CDH9: variants seen among roughly 807,000 people sequenced by gnomAD.
CDH9 encodes cadherin 9.
In CDH9, 28 loss-of-function variants were observed where a neutral mutation model predicts 70.9. That is an observed-to-expected ratio of 0.40 (90% CI 0.29 to 0.54). CDH9 has a LOEUF of 0.54. CDH9 is among the 20% of genes least tolerant of loss of function. The pLI is 0.59. For missense variants in CDH9, 874 were observed against 984.4 expected (o/e 0.89, Z 1.50); for synonymous variants, 409 against 343.1 (o/e 1.19, Z -2.12).
intron 2 of CDH9, among the ~76,000 whole-genome samples, chr5:26,926,727 G>T (rs892138798): frequency 7.9e-5 from 12 of 151,944 alleles, no homozygotes; most frequent in Non-Finnish European, 1.5e-4. Context: ...AAACAGCATG[G>T]TACTGGTACC....
chr5:26,935,531 A>G (rs1353340496), intron 2 of CDH9, among the ~76,000 whole-genome samples: 1 of 152,200 alleles, frequency 6.6e-6, no homozygotes, highest in Non-Finnish European at 1.5e-5. Flanking sequence ...AATCAGTGAA[A>G]TGCAAATTAA....
chr5:26,922,256 A>C (rs1741258586), intron 2 of CDH9, among the ~76,000 whole-genome samples: 1 of 152,018 alleles, frequency 6.6e-6, no homozygotes, highest in African/African-American at 2.4e-5. Context: ...AAGCAGATTT[A>C]ACCCAAATAA....
chr5:26,907,247 G>A (rs1740965131), intron 3 of CDH9, among the ~76,000 whole-genome samples: 1 of 151,942 alleles, frequency 6.6e-6, no homozygotes, highest in Admixed American at 6.6e-5. Flanking sequence ...ACCTGCTGCT[G>A]CTTTTTATTC....
chr5:26,892,237 G>T (rs6452368), intron 7 of CDH9, among the ~76,000 whole-genome samples: 87,558 of 152,054 alleles, frequency 0.58, 25,827 homozygotes, highest in East Asian at 0.81. Context: ...TTACATCTTT[G>T]TGAGATTTCT....
At chr5:26,991,401 C>T (rs1194898321) in intron 1 of CDH9, among the ~76,000 whole-genome samples, 1 of 152,228 alleles carries the variant, frequency 6.6e-6, no homozygotes, top group Admixed American at 6.5e-5. Context: ...TTACAGACAT[C>T]TGTAATATCC....
intron 3 of CDH9, among the ~76,000 whole-genome samples, chr5:26,912,397 G>A (rs1400049100): frequency 6.6e-6 from 1 of 151,522 alleles, no homozygotes; most frequent in African/African-American, 2.4e-5. Flanking sequence ...AAATAAGGTA[G>A]GAGAGTTACA....
At position 27,031,308 on chromosome 5, in the gene CDH9, T is replaced by C. The variant is rs1367828776; in HGVS notation, c.-50+7155A>G. Among the ~76,000 whole-genome samples the C allele has an allele frequency of 2.0e-5, 3 of 152,056 alleles. No individual in the cohort carries two copies. In the East Asian group the frequency reaches 5.8e-4, roughly 30 times the overall value. On this transcript the variant is annotated intron_variant, in intron 1 of 11. Transcript: ENST00000231021. The stretch of plus-strand genomic sequence containing the variant: ...AATACTTATTTTTCAAGATATCTTT[T>C]CAAATTCATACTTTATAGAACAAAA...
At chr5:26,891,228 C>G (rs986470290) in intron 7 of CDH9, among the ~76,000 whole-genome samples, 1 of 152,164 alleles carries the variant, frequency 6.6e-6, no homozygotes, top group Admixed American at 6.5e-5. Flanking sequence ...TATCTCCTCT[C>G]CCTAAGATGT....
intron 11 of CDH9, among the ~76,000 whole-genome samples, chr5:26,884,808 A>G (rs764196473): frequency 1.3e-5 from 2 of 152,076 alleles, no homozygotes; most frequent in African/African-American, 2.4e-5. Context: ...TGATAGAAAC[A>G]ATTTTTTGGG....
intron 2 of CDH9, among the ~76,000 whole-genome samples, chr5:26,943,477 C>T (rs1172955055): frequency 6.8e-6 from 1 of 148,036 alleles, no homozygotes; most frequent in East Asian, 2.0e-4. Context: ...CACGCCACTG[C>T]ACTCCAGTCT....
Position 26,902,532 on chromosome 5 carries a change from G to C in CDH9, c.1197C>G (p.Gly399=), listed in dbSNP as rs973722890. ...ATGCTGTAACCTGTCCAATGATACT[G>C]CCCTCCTTTACATCTTCATCTACTT... ...LIEVDEDVKE[G]SIIGQVTAYD... Residue 399 remains glycine, a synonymous_variant, in exon 7 of 12, where the codon GGC becomes GGG. Coordinates refer to ENST00000231021, the MANE Select transcript of CDH9 (RefSeq NM_016279.4). 2.5e-6 allele frequency: 4 copies of C among 1,600,030 alleles called. No individual in the cohort carries two copies. The highest frequency in any genetic ancestry group is 3.4e-6 in the Non-Finnish European group (4 of 1,167,668).
Position 26,903,823 on chromosome 5 carries a change from A to C in CDH9, c.813T>G (p.Ser271Arg). 4 of 1,511,914 alleles carry C rather than the reference A, an allele frequency of 2.6e-6. No individual in the cohort carries two copies. The highest frequency in any genetic ancestry group is 3.6e-6 in the Non-Finnish European group (4 of 1,117,280). The allele number at this position is 1,511,914 out of a possible 1,614,324, so 93.7% of individuals were successfully genotyped here. A position where few individuals can be genotyped will look rare whatever the true frequency, so the allele number is the denominator to read the frequency against. The change falls in exon 6 of 12, where the codon AGT (serine) becomes AGG (arginine). Residue 271 changes from serine to arginine, a missense_variant and splice_region_variant. Transcript: ENST00000231021. Reference protein sequence around the residue: ...VNNNPPRFPQSTYQFNSPESV... With the variant: ...VNNNPPRFPQRTYQFNSPESV... ...ACTCAGGAGAATTAAATTGATACGTACCTATAAATTAAGTAAGAGCTGTTT... is the reference window on the plus strand; with the variant it reads ...ACTCAGGAGAATTAAATTGATACGTCCCTATAAATTAAGTAAGAGCTGTTT...
chr5:26,999,020 G>T (rs1308284575), intron 1 of CDH9, among the ~76,000 whole-genome samples: 1 of 152,082 alleles, frequency 6.6e-6, no homozygotes, highest in Admixed American at 6.6e-5. Flanking sequence ...GCTGAGGTGG[G>T]CAGATCAAGA....
chr5:26,899,418 C>T (rs879103769), intron 7 of CDH9, among the ~76,000 whole-genome samples: 1 of 152,048 alleles, frequency 6.6e-6, no homozygotes, highest in Admixed American at 6.6e-5. Context: ...TTGGACCAAC[C>T]CAAATGTCCA....
chr5:26,920,821 T>C (rs1294457377), intron 2 of CDH9, among the ~76,000 whole-genome samples: 1 of 152,160 alleles, frequency 6.6e-6, no homozygotes, highest in Non-Finnish European at 1.5e-5. Flanking sequence ...AGATATGGCT[T>C]CAGTGACAAA....
chr5:26,980,637 C>T (rs951462808), intron 2 of CDH9, among the ~76,000 whole-genome samples: 9 of 151,966 alleles, frequency 5.9e-5, no homozygotes, highest in African/African-American at 2.2e-4. Flanking sequence ...AATGTCTGGT[C>T]ATCAGAAAAA....
At chr5:26,890,066 C>G in intron 8 of CDH9, 109 bp from the exon 9 acceptor site, 5 of 953,318 alleles carry the variant, frequency 5.2e-6, no homozygotes, top group Non-Finnish European at 8.1e-6. Context: ...TTCACTTTCT[C>G]AATTGGGCTG....
At chr5:26,952,804 C>T (rs1313273503) in intron 2 of CDH9, among the ~76,000 whole-genome samples, 4 of 147,292 alleles carry the variant, frequency 2.7e-5, no homozygotes, top group African/African-American at 1.0e-4. Context: ...ATACTGGAGG[C>T]TTTATAAGAA....
intron 1 of CDH9, among the ~76,000 whole-genome samples, chr5:27,013,302 C>T (rs1380900081): frequency 9.9e-5 from 15 of 151,846 alleles, no homozygotes; most frequent in African/African-American, 3.4e-4. Flanking sequence ...AAAGTTTTCT[C>T]CTTGCACCCA....
Sources: gnomAD v4.1 joint callset for allele counts (sites outside exome capture counted in the v4.1 genomes callset) on GRCh38, gnomAD v4.1.1 for gene constraint, MANE v1.5 for transcripts, NCBI Gene and HGNC (gene_info 2026-07-23, HGNC 2026-07-21) for gene names.